The following GRM3 variants were observed in gnomAD, a reference collection of about 807,000 sequenced individuals.
GRM3 encodes the protein metabotropic glutamate receptor 3.
Under a neutral mutation model 70.5 loss-of-function variants are expected in GRM3, and 26 were observed. The observed-to-expected ratio is 0.37, with a 90% CI of 0.27 to 0.51. GRM3 has a LOEUF of 0.51. GRM3 is among the 20% of genes least tolerant of loss of function. GRM3 has a pLI of 0.93. For missense variants in GRM3, 859 were observed against 1,123.8 expected (o/e 0.76, Z 3.37); for synonymous variants, 443 against 434.9 (o/e 1.02, Z -0.23).
At chr7:86,741,923 C>T (rs1796000049) in intron 1 of GRM3, among the ~76,000 whole-genome samples, 1 of 152,102 alleles carries the variant, frequency 6.6e-6, no homozygotes, top group South Asian at 2.1e-4. Context: ...CTCAGTTGTT[C>T]CAGTTATTTA....
chr7:86,825,216 T>C (rs1261426948), intron 3 of GRM3, among the ~76,000 whole-genome samples: 1 of 152,246 alleles, frequency 6.6e-6, no homozygotes, highest in Non-Finnish European at 1.5e-5. Context: ...TGGTGTTTGG[T>C]TTATTCTAAG....
At chr7:86,645,187 A>G (rs879446695) in intron 1 of GRM3, among the ~76,000 whole-genome samples, 27 of 152,214 alleles carry the variant, frequency 1.8e-4, no homozygotes, top group Admixed American at 1.6e-3. Flanking sequence ...TCATCAGCCA[A>G]CCACCTCCAT....
intron 1 of GRM3, among the ~76,000 whole-genome samples, chr7:86,744,432 T>C (rs768425633): frequency 7.2e-5 from 11 of 151,888 alleles, no homozygotes; most frequent in Admixed American, 3.3e-4. Flanking sequence ...TTACAGATTC[T>C]ACTCTATAGT....
intron 1 of GRM3, among the ~76,000 whole-genome samples, chr7:86,720,076 AG>A: frequency 6.6e-6 from 1 of 152,236 alleles, no homozygotes; most frequent in African/African-American, 2.4e-5. Flanking sequence ...GAAAGAGATC[AG>A]TTATCACAGT....
chr7:86,824,053 C>T lies in GRM3; in HGVS notation c.1325-14786C>T, dbSNP rs143828450. ...CCTAGAGACTGGAAGTGCAAAGGAG[C>T]GCATGAAGACGACCAAGGCCAGTTC... On this transcript the variant is annotated intron_variant, in intron 3 of 5. Transcript: ENST00000361669. Among the ~76,000 whole-genome samples, 41 of 152,274 alleles carry T rather than the reference C, an allele frequency of 2.7e-4. 1 individual carries two copies. Among genetic ancestry groups the T allele is most frequent in the African/African-American group, 9.4e-4 (39 of 41,554 alleles).
chr7:86,677,510 T>C (rs1478983807), intron 1 of GRM3, among the ~76,000 whole-genome samples: 1 of 152,036 alleles, frequency 6.6e-6, no homozygotes, highest in African/African-American at 2.4e-5. Flanking sequence ...GTGCAAGATA[T>C]GTCACTGTGC....
chr7:86,724,179 G>T (rs994190179), intron 1 of GRM3, among the ~76,000 whole-genome samples: 1 of 152,162 alleles, frequency 6.6e-6, no homozygotes, highest in African/African-American at 2.4e-5. Context: ...CTAAGATGAT[G>T]TGTAGATAAA....
At chr7:86,673,827 A>C (rs1794235680) in intron 1 of GRM3, among the ~76,000 whole-genome samples, 1 of 151,854 alleles carries the variant, frequency 6.6e-6, no homozygotes, top group African/African-American at 2.4e-5. Context: ...ATCAACATTG[A>C]CTCCTTCTTC....
At chr7:86,857,313 T>A (rs1299203597) in intron 5 of GRM3, among the ~76,000 whole-genome samples, 1 of 152,020 alleles carries the variant, frequency 6.6e-6, no homozygotes, top group Admixed American at 6.6e-5. Flanking sequence ...GGAAGATGAA[T>A]AAAAGTGAGA....
intron 1 of GRM3, among the ~76,000 whole-genome samples, chr7:86,745,814 T>A (rs1002943226): frequency 6.6e-6 from 1 of 152,090 alleles, no homozygotes; most frequent in Non-Finnish European, 1.5e-5. Context: ...GGAATTTCTT[T>A]TGTCTAAAGT....
intron 1 of GRM3, among the ~76,000 whole-genome samples, chr7:86,647,943 CTTTGTTG>C (rs1793515784): frequency 6.6e-6 from 1 of 152,142 alleles, no homozygotes; most frequent in South Asian, 2.1e-4. Flanking sequence ...CTATTAAGAA[CTTTGTTG>C]TGATATTCAG....
chr7:86,734,161 T>C (rs961751138), intron 1 of GRM3, among the ~76,000 whole-genome samples: 7 of 152,152 alleles, frequency 4.6e-5, no homozygotes, highest in African/African-American at 1.7e-4. Context: ...GAGCCATATT[T>C]AGTTCTGAGA....
chr7:86,734,326 G>A (rs927247958), intron 1 of GRM3, among the ~76,000 whole-genome samples: 8 of 152,118 alleles, frequency 5.3e-5, no homozygotes, highest in Non-Finnish European at 1.2e-4. Context: ...GCCATTCATT[G>A]TTGAATTAGT....
At chr7:86,660,694 C>A (rs1254419419) in intron 1 of GRM3, among the ~76,000 whole-genome samples, 1 of 151,844 alleles carries the variant, frequency 6.6e-6, no homozygotes, top group Non-Finnish European at 1.5e-5. Context: ...CTAGGCTATG[C>A]AGTTCTAGCA....
At chr7:86,745,967 G>T (rs1043209432) in intron 1 of GRM3, among the ~76,000 whole-genome samples, 1 of 151,884 alleles carries the variant, frequency 6.6e-6, no homozygotes, top group Non-Finnish European at 1.5e-5. Flanking sequence ...GGAGAGAAAA[G>T]AATTAAAACT....
chr7:86,678,705 G>T (rs774024408), intron 1 of GRM3, among the ~76,000 whole-genome samples: 28 of 152,010 alleles, frequency 1.8e-4, no homozygotes, highest in Non-Finnish European at 3.5e-4. Context: ...TTCCAACAAG[G>T]ACATCGAGAT....
intron 3 of GRM3, among the ~76,000 whole-genome samples, chr7:86,830,194 C>T (rs1798323116): frequency 6.6e-6 from 1 of 152,134 alleles, no homozygotes; most frequent in African/African-American, 2.4e-5. Flanking sequence ...ATGAAGTTAC[C>T]ACTCTACCAT....
chr7:86,670,187 A>G (rs1562820081), intron 1 of GRM3, among the ~76,000 whole-genome samples: 1 of 152,206 alleles, frequency 6.6e-6, no homozygotes, highest in African/African-American at 2.4e-5. Context: ...AGGCCTACAA[A>G]AATTTGTGCC....
chr7:86,746,343 A>T (rs10428928), intron 1 of GRM3, among the ~76,000 whole-genome samples: 1,551 of 16,782 alleles, frequency 0.092, 80 homozygotes, highest in African/African-American at 0.36. Flanking sequence ...GTCATGTATT[A>T]TATATATATA....
Sources: allele counts gnomAD v4.1 joint callset (sites outside exome capture counted in the v4.1 genomes callset), GRCh38; gene constraint gnomAD v4.1.1; transcripts MANE v1.5; gene names NCBI Gene and HGNC (gene_info 2026-07-23, HGNC 2026-07-21).